Variants in GRM7 observed in about 807,000 individuals in gnomAD.
The protein encoded by GRM7 is glutamate metabotropic receptor 7.
GRM7 carries 35 observed loss-of-function variants against 84.5 expected under a neutral mutation model. The ratio of observed to expected loss-of-function variants is 0.41; its 90% CI spans 0.32 to 0.55. GRM7 has a LOEUF of 0.55. Ranked by LOEUF, GRM7 falls within the 20% of genes least tolerant of loss-of-function variation. The pLI is 0.19. For synonymous variants in GRM7, 487 were observed against 455.1 expected, an observed-to-expected ratio of 1.07 and a Z score of -0.89; for missense variants, 1,003 against 1,194.6, an observed-to-expected ratio of 0.84 and a Z score of 2.36.
chr3:7,238,299 C>T (rs1457125756), intron 2 of GRM7, among the ~76,000 whole-genome samples: 1 of 152,164 alleles, frequency 6.6e-6, no homozygotes, highest in African/African-American at 2.4e-5. Flanking sequence ...AGGTTCATCA[C>T]ATTTGCTTCT....
At chr3:7,717,663 GC>G (rs202204094) in intron 9 of GRM7, among the ~76,000 whole-genome samples, 6 of 17,236 alleles carry the variant, frequency 3.5e-4, no homozygotes, top group African/African-American at 1.8e-3. Context: ...GCAACCTCTA[GC>G]TTAGCCAGGT....
intron 2 of GRM7, among the ~76,000 whole-genome samples, chr3:7,294,207 T>C (rs1699736111): frequency 6.6e-6 from 1 of 152,156 alleles, no homozygotes; most frequent in Non-Finnish European, 1.5e-5. Flanking sequence ...AGACTGCCCC[T>C]CCACTAGACA....
At chr3:7,231,771 T>C (rs1697202977) in intron 2 of GRM7, among the ~76,000 whole-genome samples, 1 of 152,204 alleles carries the variant, frequency 6.6e-6, no homozygotes, top group Admixed American at 6.5e-5. Context: ...GTCTCTAAAT[T>C]GGGAAGAGGC....
intron 8 of GRM7, among the ~76,000 whole-genome samples, chr3:7,656,520 A>AT (rs1553632690): frequency 6.9e-4 from 62 of 89,512 alleles, no homozygotes; most frequent in South Asian, 1.8e-3. Flanking sequence ...CAAATAAAAA[A>AT]AAATATATAT....
chr3:7,492,149 A>G lies in GRM7; in HGVS notation c.1515+30427A>G, dbSNP rs181581740. Among the ~76,000 whole-genome samples the G allele has an allele frequency of 3.8e-3, 584 of 152,160 alleles. 3 individuals are homozygous for G. Among genetic ancestry groups the G allele is most frequent in the African/African-American group, 0.013 (550 of 41,530 alleles). On this transcript the variant is annotated intron_variant, in intron 7 of 9. Transcript: ENST00000357716. Reference sequence around the variant, plus strand: ...AGGATTTTTTACGTAAACTAATAAGAGATATTGGTCTGTGGTTATTGTTTT... The same window carrying G: ...AGGATTTTTTACGTAAACTAATAAGGGATATTGGTCTGTGGTTATTGTTTT...
intron 4 of GRM7, among the ~76,000 whole-genome samples, chr3:7,382,738 G>A (rs1269331098): frequency 3.3e-5 from 5 of 152,172 alleles, no homozygotes; most frequent in African/African-American, 7.2e-5. Context: ...TGAGATATGG[G>A]TAACCTAAAA....
chr3:7,545,297 T>C (rs1041986396), intron 7 of GRM7, among the ~76,000 whole-genome samples: 5 of 152,246 alleles, frequency 3.3e-5, no homozygotes, highest in Non-Finnish European at 5.9e-5. Flanking sequence ...TGATACTCTG[T>C]GTACTCTGTA....
chr3:7,363,842 A>C (rs1273870085), intron 4 of GRM7, among the ~76,000 whole-genome samples: 6 of 152,050 alleles, frequency 3.9e-5, no homozygotes, highest in African/African-American at 1.4e-4. Flanking sequence ...GGGTAAAATT[A>C]TTACCATTTT....
chr3:7,056,031 G>T (rs1360029860), intron 1 of GRM7, among the ~76,000 whole-genome samples: 1 of 151,892 alleles, frequency 6.6e-6, no homozygotes. Context: ...AGTTTATTGT[G>T]AGGCCTTCAC....
intron 1 of GRM7, among the ~76,000 whole-genome samples, chr3:7,012,798 T>G (rs902455821): frequency 1.3e-5 from 2 of 152,158 alleles, no homozygotes; most frequent in Non-Finnish European, 2.9e-5. Flanking sequence ...TGGAGTGCAG[T>G]GTCACTATCA....
intron 1 of GRM7, among the ~76,000 whole-genome samples, chr3:6,930,102 C>G (rs1697449528): frequency 6.6e-6 from 1 of 152,140 alleles, no homozygotes; most frequent in African/African-American, 2.4e-5. Context: ...CAATCCCAAC[C>G]CTACTGTTGA....
chr3:7,189,760 A>AT (rs1462821365), intron 2 of GRM7, among the ~76,000 whole-genome samples: 2 of 152,086 alleles, frequency 1.3e-5, no homozygotes, highest in African/African-American at 4.8e-5. Flanking sequence ...TGACACCTAT[A>AT]TTTTTTTCAG....
intron 1 of GRM7, among the ~76,000 whole-genome samples, chr3:7,008,239 T>C (rs559089493): frequency 6.6e-6 from 1 of 152,318 alleles, no homozygotes; most frequent in East Asian, 1.9e-4. Context: ...ATAGGGCTAA[T>C]TGGCTGTGCA....
intron 5 of GRM7, among the ~76,000 whole-genome samples, chr3:7,444,830 C>T (rs1052377295): frequency 1.3e-5 from 2 of 152,144 alleles, no homozygotes; most frequent in Admixed American, 6.5e-5. Context: ...CAGGAAGCAT[C>T]CTAGTTGAAA....
At chr3:7,164,599 A>T (rs1694741451) in intron 2 of GRM7, among the ~76,000 whole-genome samples, 1 of 152,214 alleles carries the variant, frequency 6.6e-6, no homozygotes, top group South Asian at 2.1e-4. Context: ...GAGTTGCTGG[A>T]TTATCTTTCT....
intron 9 of GRM7, among the ~76,000 whole-genome samples, chr3:7,734,643 G>A (rs540829879): frequency 6.6e-6 from 1 of 152,278 alleles, no homozygotes; most frequent in Non-Finnish European, 1.5e-5. Context: ...AGTTTCTTGT[G>A]TCAACAAATC....
intron 4 of GRM7, among the ~76,000 whole-genome samples, chr3:7,368,514 A>G (rs1031958287): frequency 6.6e-6 from 1 of 152,130 alleles, no homozygotes; most frequent in Non-Finnish European, 1.5e-5. Context: ...TTGAAAATGT[A>G]ATTCATGCCT....
At chr3:7,706,648 T>C (rs1046031129) in intron 9 of GRM7, among the ~76,000 whole-genome samples, 1 of 152,220 alleles carries the variant, frequency 6.6e-6, no homozygotes, top group African/African-American at 2.4e-5. Flanking sequence ...ATAGACATGT[T>C]ACTTTCCTGT....
At chr3:7,024,853 T>C (rs1414340415) in intron 1 of GRM7, among the ~76,000 whole-genome samples, 2 of 152,222 alleles carry the variant, frequency 1.3e-5, no homozygotes. Context: ...TAGGAGCCTA[T>C]TAGTTTTCTA....
Sources: gnomAD v4.1 joint callset for allele counts (sites outside exome capture counted in the v4.1 genomes callset) on GRCh38, gnomAD v4.1.1 for gene constraint, MANE v1.5 for transcripts, NCBI Gene and HGNC (gene_info 2026-07-23, HGNC 2026-07-21) for gene names.